CMTR2: variants seen among roughly 807,000 people sequenced by gnomAD.
CMTR2 encodes cap-specific mRNA (nucleoside-2'-O-)-methyltransferase 2.
In CMTR2, 40 loss-of-function variants were observed where a neutral mutation model predicts 49.8. That is an observed-to-expected ratio of 0.80 (90% CI 0.62 to 1.04). CMTR2 has a LOEUF of 1.04. CMTR2 is among the 50% of genes least tolerant of loss of function. The pLI is 0.00. For synonymous variants in CMTR2, 326 were observed against 315.8 expected, an observed-to-expected ratio of 1.03 and a Z score of -0.34; for missense variants, 907 against 897.2, an observed-to-expected ratio of 1.01 and a Z score of -0.14.
At position 71,282,347 on chromosome 16, in the gene CMTR2, T is replaced by C. The variant is rs971920839; in HGVS notation, c.*1261A>G. The C allele has an allele frequency of 6.6e-6, 1 of 151,986 alleles. No individual in the cohort carries two copies. The highest frequency in any genetic ancestry group is 2.4e-5 in the African/African-American group (1 of 41,404). 9.4% of individuals were successfully genotyped at this position (151,986 alleles called of 1,614,324 possible). ...CATGAATCTATAATGGAATTCAAAA[T>C]AGCAAAGAACATGAAAATGTTCAGA... On this transcript the variant is annotated 3_prime_UTR_variant, in exon 3 of 3. Coordinates refer to ENST00000434935, the MANE Select transcript of CMTR2 (RefSeq NM_018348.6).
chr16:71,285,751 TGGTCACA>T lies in CMTR2; in HGVS notation c.163_169del (p.Cys55ThrfsTer10), dbSNP rs775715839. Reference sequence around the variant, plus strand: ...ATCAAGAAATGCATTAAGTTCAGTGTGGTCACAGGTGAAAATCTCACTGGGATCTGGT... The same window carrying T: ...ATCAAGAAATGCATTAAGTTCAGTGTGGTGAAAATCTCACTGGGATCTGGT... On this transcript the variant is annotated frameshift_variant, in exon 3 of 3. Transcript: ENST00000434935. LOFTEE classifies it high-confidence loss of function. The T allele has an allele frequency of 6.2e-7, 1 of 1,613,846 alleles. No homozygotes were observed. The highest frequency in any genetic ancestry group is 8.5e-7 in the Non-Finnish European group (1 of 1,179,860).
rs1413556136 is a variant in CMTR2, at chr16:71,284,710, A to G, written c.1211T>C (p.Phe404Ser). 6.2e-7 allele frequency: 1 copy of G among 1,613,098 alleles called. No individual in the cohort carries two copies. The highest frequency in any genetic ancestry group is 8.5e-7 in the Non-Finnish European group (1 of 1,179,646). The change falls in exon 3 of 3, where the codon TTT becomes TCT. Residue 404 changes from phenylalanine to serine, a missense_variant. Physicochemically the swap from Phe to Ser is radical, Grantham distance 155. Transcript: ENST00000434935. ...NNLRDCAIQYFMQKFQLKHLS... is the reference protein window; with the variant it reads ...NNLRDCAIQYSMQKFQLKHLS... ...ATGTTTCAGTTGAAATTTTTGCATA[A>G]AATATTGTATAGCACAATCCCTTAA...
rs1416490984 is a variant in CMTR2 at position 71,285,482 on chromosome 16, G to C, written c.439C>G (p.Pro147Ala). ...KLNSLHLCEA[P>A]GAFIASLNHY... ...TTGAGACTAGCTATAAAAGCTCCTG[G>C]AGCTTCACAAAGGTGTAGAGAATTC... The change falls in exon 3 of 3, where the codon CCA becomes GCA. Residue 147 changes from proline to alanine, a missense_variant. Physicochemically the swap from Pro to Ala is conservative, Grantham distance 27. Coordinates refer to ENST00000434935, the MANE Select transcript of CMTR2 (RefSeq NM_018348.6). 6.2e-7 allele frequency: 1 copy of C among 1,613,986 alleles called. No homozygotes were observed. The highest frequency in any genetic ancestry group is 8.5e-7 in the Non-Finnish European group (1 of 1,179,992).
At chr16:71,289,656 GA>G (rs1406394275), upstream of CMTR2, 4 of 149,770 alleles carry the variant, frequency 2.7e-5, no homozygotes, top group African/African-American at 9.9e-5. Flanking sequence ...AGGGGAGGGG[GA>G]GGGGGAGGGA....
chr16:71,284,379 T>C lies in CMTR2; in HGVS notation c.1542A>G (p.Glu514=), dbSNP rs769373314. 3.9e-5 allele frequency: 63 copies of C among 1,613,392 alleles called. 1 individual carries two copies. In the South Asian group the frequency reaches 6.3e-4, roughly 16 times the overall value. The change falls in exon 3 of 3, where the codon GAA becomes GAG. Residue 514 remains glutamate, a synonymous_variant. Coordinates refer to ENST00000434935, the MANE Select transcript of CMTR2 (RefSeq NM_018348.6). ...KVKCSPFCNG[E]ILKTLNEAIE... is the part of the protein sequence containing the mutation. ...TTGCTTCATTAAGAGTTTTTAAAATTTCACCATTGCAAAAAGGAGAACATT... is the reference window on the plus strand; with the variant it reads ...TTGCTTCATTAAGAGTTTTTAAAATCTCACCATTGCAAAAAGGAGAACATT...
Position 71,286,081 on chromosome 16 carries a change from A to G in CMTR2, c.-19-142T>C, listed in dbSNP as rs2041721856. ...GCATACTCTGTTATTTAACCAAGTAATCTGGAATAATGAAAAAGGCTTTGA... is the reference window on the plus strand; with the variant it reads ...GCATACTCTGTTATTTAACCAAGTAGTCTGGAATAATGAAAAAGGCTTTGA... On this transcript the variant is annotated intron_variant, in intron 2 of 2. Transcript: ENST00000434935. 3 of 575,516 alleles carry G rather than the reference A, an allele frequency of 5.2e-6. No individual in the cohort carries two copies. In the East Asian group the frequency reaches 9.5e-5, roughly 18 times the overall value. 35.7% of individuals were successfully genotyped at this position (575,516 alleles called of 1,614,324 possible). A position where few individuals can be genotyped will look rare whatever the true frequency, so the allele number is the denominator to read the frequency against.
rs373298047 is a variant in CMTR2 at position 71,284,408 on chromosome 16, C to T, written c.1513G>A (p.Val505Ile). Residue 505 changes from valine (V) to isoleucine (I), a missense_variant, in exon 3 of 3, where the codon GTA becomes ATA. Val to Ile is a conservative substitution (Grantham distance 29, BLOSUM62 3). Transcript: ENST00000434935. ...HILEGKKLPK[V>I]KCSPFCNGEI... ...CCATTGCAAAAAGGAGAACATTTTACCTTTGGCAGTTTCTTTCCCTCCAAA... is the reference window on the plus strand; with the variant it reads ...CCATTGCAAAAAGGAGAACATTTTATCTTTGGCAGTTTCTTTCCCTCCAAA... 1.9e-6 allele frequency: 3 copies of T among 1,613,698 alleles called. No homozygotes were observed. Among genetic ancestry groups the T allele is most frequent in the African/African-American group, 1.3e-5 (1 of 74,886 alleles).
Position 71,285,856 on chromosome 16 carries a change from A to G in CMTR2, c.65T>C (p.Ile22Thr), listed in dbSNP as rs201357878. The G allele has an allele frequency of 1.2e-6, 2 of 1,613,768 alleles. No individual in the cohort carries two copies. Among genetic ancestry groups the G allele is most frequent in the East Asian group, 2.2e-5 (1 of 44,884 alleles). ...AAAGAGTTCAAAAATGTCAGCAAGA[A>G]TATCTGGGCTGAATGACGCGGGACT... Reference protein sequence around the residue: ...LASPASFSPDILADIFELFAK... With the variant: ...LASPASFSPDTLADIFELFAK... Residue 22 changes from isoleucine (I) to threonine (T), a missense_variant, in exon 3 of 3, where the codon ATT becomes ACT. Ile to Thr is a moderately conservative substitution (Grantham distance 89). Coordinates refer to ENST00000434935, the MANE Select transcript of CMTR2 (RefSeq NM_018348.6).
chr16:71,283,485 T>C lies in CMTR2; in HGVS notation c.*123A>G. On this transcript the variant is annotated 3_prime_UTR_variant, in exon 3 of 3. Transcript: ENST00000434935. The stretch of plus-strand genomic sequence containing the variant: ...GATGGTTTTCCAGAATTAATGAGAC[T>C]TTGAATGATGCAAATGTTGGCCTTT... 8.5e-7 allele frequency: 1 copy of C among 1,180,402 alleles called. No homozygotes were observed. Among genetic ancestry groups the C allele is most frequent in the South Asian group, 1.7e-5 (1 of 60,568 alleles). 73.1% of individuals were successfully genotyped at this position (1,180,402 alleles called of 1,614,324 possible).
Position 71,285,453 on chromosome 16 carries a change from G to C in CMTR2, c.468C>G (p.His156Gln). ...AAGGAAACCGATGGGATTTTAAGTA[G>C]TGGTTGAGACTAGCTATAAAAGCTC... Reference protein sequence around the residue: ...APGAFIASLNHYLKSHRFPCH... With the variant: ...APGAFIASLNQYLKSHRFPCH... The change falls in exon 3 of 3, where the codon CAC becomes CAG. Residue 156 changes from histidine (H) to glutamine (Q), a missense_variant. Transcript: ENST00000434935. 1 of 1,614,108 alleles carries C rather than the reference G, an allele frequency of 6.2e-7. No individual in the cohort carries two copies. The highest frequency in any genetic ancestry group is 1.1e-5 in the South Asian group (1 of 91,082).
At position 71,285,412 on chromosome 16, in the gene CMTR2, A is replaced by G. The variant is rs1336801954; in HGVS notation, c.509T>C (p.Val170Ala). ...ATGGTATGGATTCAGAGTATTCGCT[A>G]CCCAACTCCAATGACAAGGAAACCG... ...SHRFPCHWSW[V>A]ANTLNPYHEA... The change falls in exon 3 of 3, where the codon GTA becomes GCA. Residue 170 changes from valine to alanine, a missense_variant. Transcript: ENST00000434935. 3 of 1,614,122 alleles carry G rather than the reference A, an allele frequency of 1.9e-6. No individual in the cohort carries two copies. The South Asian group carries it at 3.3e-5, about 18-fold the overall frequency.
chr16:71,289,562 T>C (rs3096379), upstream of CMTR2: 20,559 of 150,128 alleles, frequency 0.14, 1,594 homozygotes, highest in Middle Eastern at 0.22. Flanking sequence ...CCGGCCACTA[T>C]GGCAACGGAA....
chr16:71,284,365 A>C lies in CMTR2; in HGVS notation c.1556T>G (p.Leu519Arg). The C allele has an allele frequency of 6.2e-7, 1 of 1,613,502 alleles. No homozygotes were observed. Among genetic ancestry groups the C allele is most frequent in the Non-Finnish European group, 8.5e-7 (1 of 1,179,842 alleles). Residue 519 changes from leucine (L) to arginine (R), a missense_variant, in exon 3 of 3, where the codon CTT becomes CGT. By Grantham distance (102) the Leu-to-Arg change is moderately radical. Transcript: ENST00000434935. ...TAATGACTTTTCAATTGCTTCATTA[A>C]GAGTTTTTAAAATTTCACCATTGCA... ...PFCNGEILKTLNEAIEKSLGG... is the reference protein window; with the variant it reads ...PFCNGEILKTRNEAIEKSLGG...
At chr16:71,287,073 T>C (rs1040517468) in intron 2 of CMTR2, 3 of 152,278 alleles carry the variant, frequency 2.0e-5, no homozygotes, top group South Asian at 2.1e-4. Context: ...TGTTAATCAA[T>C]AGATGCTTTA....
At position 71,283,952 on chromosome 16, in the gene CMTR2, C is replaced by A. The variant is rs147595116; in HGVS notation, c.1969G>T (p.Gly657Cys). 1 of 1,614,008 alleles carries A rather than the reference C, an allele frequency of 6.2e-7. No homozygotes were observed. Among genetic ancestry groups the A allele is most frequent in the Admixed American group, 1.7e-5 (1 of 60,016 alleles). The stretch of plus-strand genomic sequence containing the variant: ...CAACTGTGGAGTACAAAGATCAAAC[C>A]AGCCATAAATCTTGTGAAGCAAGAA... ...VLSCFTRFMA[G>C]LIFVLHSCFR... The change falls in exon 3 of 3, where the codon GGT becomes TGT. Residue 657 changes from glycine (G) to cysteine (C), a missense_variant. Gly to Cys is a radical substitution (Grantham distance 159). Coordinates refer to ENST00000434935, the MANE Select transcript of CMTR2 (RefSeq NM_018348.6).
upstream of CMTR2, chr16:71,289,474 T>G (rs1037084895): frequency 1.3e-5 from 2 of 152,174 alleles, no homozygotes; most frequent in Non-Finnish European, 2.9e-5. Context: ...CGCCGGCGAC[T>G]CTCGCCTCGC....
chr16:71,283,823 G>C lies in CMTR2; in HGVS notation c.2098C>G (p.Arg700Gly). ...GYQDLPNPVF[R>G]YLQSVNELLS... ...AATTCATTCACACTCTGCAAATATC[G>C]GAAAACTGGATTTGGAAGGTCCTGA... The change falls in exon 3 of 3, where the codon CGA becomes GGA. Residue 700 changes from arginine (R) to glycine (G), a missense_variant. Coordinates refer to ENST00000434935, the MANE Select transcript of CMTR2 (RefSeq NM_018348.6). The C allele has an allele frequency of 6.2e-7, 1 of 1,613,864 alleles. No homozygotes were observed. Among genetic ancestry groups the C allele is most frequent in the South Asian group, 1.1e-5 (1 of 91,054 alleles).
chr16:71,285,279 T>C lies in CMTR2; in HGVS notation c.642A>G (p.Lys214=), dbSNP rs1341032123. The C allele has an allele frequency of 2.5e-6, 4 of 1,614,174 alleles. No individual in the cohort carries two copies. The highest frequency in any genetic ancestry group is 1.6e-4 in the Middle Eastern group (1 of 6,062). Residue 214 remains lysine (K), a synonymous_variant, in exon 3 of 3, where the codon AAA becomes AAG. Transcript: ENST00000434935. The part of the protein sequence containing the change: ...PDNTGDIMTL[K]FLTGLQNFIS... ...TGAAATTCTGAAGTCCAGTCAAGAA[T>C]TTCAGGGTCATGATATCACCAGTGT... is the stretch of plus-strand genomic sequence containing the variant.
chr16:71,288,273 G>C (rs929401099), intron 2 of CMTR2: 1 of 152,118 alleles, frequency 6.6e-6, no homozygotes, highest in Non-Finnish European at 1.5e-5. Flanking sequence ...TCCAATATTT[G>C]CTCAAATGTC....
Sources: gnomAD v4.1 joint callset for allele counts on GRCh38, gnomAD v4.1.1 for gene constraint, MANE v1.5 for transcripts, NCBI Gene and HGNC (gene_info 2026-07-23, HGNC 2026-07-21) for gene names.